The following COL6A3 variants were observed in gnomAD, a reference collection of about 807,000 sequenced individuals.
The protein encoded by COL6A3 is collagen alpha-3(VI) chain.
Under a neutral mutation model 274.1 loss-of-function variants are expected in COL6A3, and 137 were observed. The observed-to-expected ratio is 0.50, with a 90% CI of 0.44 to 0.58. The LOEUF (loss-of-function observed/expected upper bound fraction) is 0.58, where lower values mean the gene tolerates loss of function less well. Ranked by LOEUF, COL6A3 falls within the 20% of genes least tolerant of loss-of-function variation. The pLI, the probability that COL6A3 is intolerant of heterozygous loss-of-function variation, is 0.00. For synonymous variants in COL6A3, 1,650 were observed against 1,650.6 expected, an observed-to-expected ratio of 1.00 and a Z score of 0.01; for missense variants, 3,950 against 4,124.9, an observed-to-expected ratio of 0.96 and a Z score of 1.16.
intron 4 of COL6A3, among the ~76,000 whole-genome samples, chr2:237,382,030 G>A (rs903204578): frequency 5.9e-5 from 9 of 152,110 alleles, no homozygotes; most frequent in Admixed American, 1.3e-4. Context: ...AACATAAAAC[G>A]TATAAAAAGG....
chr2:237,366,888 T>G lies in COL6A3; in HGVS notation c.5299A>C (p.Thr1767Pro). Residue 1767 changes from threonine to proline, a missense_variant, in exon 11 of 44, where the codon ACC becomes CCC. Thr to Pro is a conservative substitution (Grantham distance 38). Around this residue, in one of 5 missense-constraint regions of COL6A3, gnomAD observed 632 missense variants for 623.4 expected, o/e 1.01. Coordinates refer to ENST00000295550, the MANE Select transcript of COL6A3 (RefSeq NM_004369.4). The stretch of plus-strand genomic sequence containing the variant: ...GCAAACACTTTGACCCCCCTCTGGG[T>G]GAGGGCCAGGCTCACATCCTGTGCA... Reference protein sequence around the residue: ...EDAQDVSLALTQRGVKVFAVG... With the variant: ...EDAQDVSLALPQRGVKVFAVG... 6.2e-7 allele frequency: 1 copy of G among 1,614,198 alleles called. No homozygotes were observed.
At chr2:237,381,609 C>A in intron 4 of COL6A3, 110 bp from the exon 5 acceptor site, 2 of 924,338 alleles carry the variant, frequency 2.2e-6, no homozygotes, top group Non-Finnish European at 3.4e-6. Flanking sequence ...TTACTGTGGC[C>A]AACGTGACCA....
intron 28 of COL6A3, among the ~76,000 whole-genome samples, chr2:237,349,249 G>A (rs938831687): frequency 6.6e-6 from 1 of 152,062 alleles, no homozygotes; most frequent in Non-Finnish European, 1.5e-5. Context: ...AGAATCAGAA[G>A]AACGTGTGTG....
Position 237,411,175 on chromosome 2 carries a change from C to T in COL6A3, c.-31+2778G>A, listed in dbSNP as rs190138863. 1.2e-3 allele frequency among the ~76,000 whole-genome samples: 183 copies of T among 152,286 alleles called. 1 individual carries two copies. Among genetic ancestry groups the T allele is most frequent in the Non-Finnish European group, 2.0e-3 (135 of 68,018 alleles). On this transcript the variant is annotated intron_variant, in intron 1 of 43. Transcript: ENST00000295550. ...CACAACATCCCTGTCAGATGGAAAC[C>T]GCCTGCAATCCTTCCCCCAAGAGAT...
chr2:237,385,246 G>A (rs550712200), intron 4 of COL6A3, among the ~76,000 whole-genome samples: 2 of 152,312 alleles, frequency 1.3e-5, no homozygotes, highest in South Asian at 4.1e-4. Context: ...TCATTAAACA[G>A]CACCATATCT....
At chr2:237,348,471 C>T in intron 29 of COL6A3, 87 bp from the exon 30 acceptor site, 2 of 1,363,594 alleles carry the variant, frequency 1.5e-6, no homozygotes, top group Admixed American at 1.7e-5. Context: ...GAAATGTCTG[C>T]TGAGTCATCA....
At chr2:237,333,285 G>A in intron 42 of COL6A3, 165 bp downstream of exon 42, 2 of 696,564 alleles carry the variant, frequency 2.9e-6, no homozygotes, top group Non-Finnish European at 5.1e-6. Context: ...TTTACACCTG[G>A]GATTATGCAG....
intron 3 of COL6A3, among the ~76,000 whole-genome samples, chr2:237,390,028 C>T (rs955194364): frequency 1.3e-5 from 2 of 152,126 alleles, no homozygotes; most frequent in Non-Finnish European, 2.9e-5. Flanking sequence ...AATACAGAGG[C>T]TCCACAAATT....
At position 237,334,775 on chromosome 2, in the gene COL6A3, G is replaced by T. The variant is rs1299012840; in HGVS notation, c.9080C>A (p.Ala3027Asp). Residue 3027 changes from alanine to aspartate, a missense_variant, in exon 41 of 44, where the codon GCC becomes GAC. Physicochemically the swap from Ala to Asp is moderately radical, Grantham distance 126. Transcript: ENST00000295550. Reference sequence around the variant, plus strand: ...CTTCAGAACCAGGGACTGATCATGGGCTGAGGTGACGGTGAGGTCATAAAA... The same window carrying T: ...CTTCAGAACCAGGGACTGATCATGGTCTGAGGTGACGGTGAGGTCATAAAA... ...PYFYDLTVTSAHDQSLVLKQN... is the reference protein window; with the variant it reads ...PYFYDLTVTSDHDQSLVLKQN... The T allele has an allele frequency of 6.2e-7, 1 of 1,614,198 alleles. No homozygotes were observed.
chr2:237,385,747 T>C (rs530238363), intron 4 of COL6A3, among the ~76,000 whole-genome samples: 3 of 152,340 alleles, frequency 2.0e-5, no homozygotes, highest in Admixed American at 6.5e-5. Flanking sequence ...GGCACCATGA[T>C]GGAATGAGCA....
intron 1 of COL6A3, among the ~76,000 whole-genome samples, chr2:237,412,479 C>T (rs1043804179): frequency 2.0e-5 from 3 of 152,244 alleles, no homozygotes; most frequent in African/African-American, 4.8e-5. Flanking sequence ...GCTCCCTGGC[C>T]TGGGCAAGGA....
In COL6A3 at chr2:237,396,786, G is replaced by A. The variant is rs1418824605; in HGVS notation, c.32C>T (p.Ala11Val). Residue 11 changes from alanine to valine, a missense_variant, in exon 2 of 44, where the codon GCC (alanine) becomes GTC (valine). Transcript: ENST00000295550. The part of the protein sequence containing the change: MRKHRHLPLV[A>V]VFCLFLSGFP... ...GCCTGAGAGAAAGAGGCAAAAGACGGCCACTAAGGGCAAGTGCCGATGTTT... is the reference window on the plus strand; with the variant it reads ...GCCTGAGAGAAAGAGGCAAAAGACGACCACTAAGGGCAAGTGCCGATGTTT... 1 of 1,614,176 alleles carries A rather than the reference G, an allele frequency of 6.2e-7. No individual in the cohort carries two copies. The highest frequency in any genetic ancestry group is 8.5e-7 in the Non-Finnish European group (1 of 1,180,038).
Position 237,360,156 on chromosome 2 carries a change from C to T in COL6A3, c.6214G>A (p.Glu2072Lys). The change falls in exon 17 of 44, where the codon GAG becomes AAG. Residue 2072 changes from glutamate (E) to lysine (K), a missense_variant. Glu to Lys is a moderately conservative substitution (Grantham distance 56, BLOSUM62 1). Around this residue, in one of 5 missense-constraint regions of COL6A3, gnomAD observed 92 missense variants for 143.4 expected, o/e 0.64. Transcript: ENST00000295550. ...GYPGDEGGPG[E>K]RGPPGVNGTQ... is the part of the protein sequence containing the mutation. ...CCGTTCACACCAGGCGGACCACGCT[C>T]ACCCTGTTGTGAGAGACAAAGGCAT... 1.9e-6 allele frequency: 3 copies of T among 1,614,200 alleles called. No individual in the cohort carries two copies. Among genetic ancestry groups the T allele is most frequent in the Non-Finnish European group, 2.5e-6 (3 of 1,180,036 alleles).
chr2:237,341,173 A>G lies in COL6A3; in HGVS notation c.7766-23T>C, dbSNP rs746855574. The stretch of plus-strand genomic sequence containing the variant: ...TGTCTAGAAAGAAGCATGGCAGCCT[A>G]TTTGTTCTGTGACACCCACAGCAGG... On this transcript the variant is annotated intron_variant, in intron 37 of 43. Transcript: ENST00000295550. 9 of 1,608,384 alleles carry G rather than the reference A, an allele frequency of 5.6e-6. No individual in the cohort carries two copies. In the African/African-American group the frequency reaches 6.7e-5, roughly 12 times the overall value.
Position 237,360,524 on chromosome 2 carries a change from G to A in COL6A3, c.6211-365C>T, listed in dbSNP as rs565818831. Among the ~76,000 whole-genome samples the A allele has an allele frequency of 7.2e-5, 11 of 152,272 alleles. No homozygotes were observed. In the South Asian group the frequency reaches 1.7e-3, roughly 23 times the overall value. ...ATGCTTGATTCCCAGTTCTCTAGCC[G>A]AGCCCTGCCGGCTGGGCCCTGGTGA... On this transcript the variant is annotated intron_variant, in intron 16 of 43. Transcript: ENST00000295550.
At position 237,367,021 on chromosome 2, in the gene COL6A3, G is replaced by A. The variant is rs2077570926; in HGVS notation, c.5166C>T (p.Gly1722=). ...AGTGGTTTACCCGCAGGTGCTCAAG[G>A]CCCACCTTAGTGTTGGCGTGTCTTC... ...KGGRHANTKV[G]LEHLRVNHFV... is the part of the protein sequence containing the mutation. The change falls in exon 11 of 44, where the codon GGC becomes GGT. Residue 1722 remains glycine (G), a synonymous_variant. Transcript: ENST00000295550. 6.2e-7 allele frequency: 1 copy of A among 1,614,100 alleles called. No homozygotes were observed. The highest frequency in any genetic ancestry group is 1.3e-5 in the African/African-American group (1 of 74,934).
At chr2:237,396,943 T>G (rs1338841424) in intron 1 of COL6A3, 96 bp from the exon 2 acceptor site, 8 of 824,432 alleles carry the variant, frequency 9.7e-6, no homozygotes, top group Non-Finnish European at 1.4e-5. Context: ...CTTTTTAGAC[T>G]TCCAAGAAGA....
In COL6A3 at chr2:237,369,073, G is replaced by A. The variant is rs912671116; in HGVS notation, c.4390C>T (p.Arg1464Ter). The change falls in exon 10 of 44, where the codon CGA (arginine) becomes TGA (stop). Residue 1464 changes from arginine (R) to a stop codon, truncating the protein, a stop_gained. Transcript: ENST00000295550. LOFTEE classifies it high-confidence loss of function. ...TTACTGGGGCCGATGTTGAGTCTTC[G>A]AACAATCCTGCTAACAAAATCTCGA... ...HIRDFVSRIV[R>*]RLNIGPSKVR... 4 of 1,614,128 alleles carry A rather than the reference G, an allele frequency of 2.5e-6. No homozygotes were observed. The highest frequency in any genetic ancestry group is 2.2e-5 in the East Asian group (1 of 44,880).
rs758582935 is a variant in COL6A3, at chr2:237,342,081, C to T, written c.7749G>A (p.Thr2583=). The T allele has an allele frequency of 5.8e-5, 93 of 1,614,034 alleles. 1 individual carries two copies. Among genetic ancestry groups the T allele is most frequent in the Admixed American group, 1.5e-4 (9 of 60,004 alleles). Residue 2583 remains threonine, a synonymous_variant, in exon 37 of 44, where the codon ACG becomes ACA. Coordinates refer to ENST00000295550, the MANE Select transcript of COL6A3 (RefSeq NM_004369.4). ...ACAGCTTACCCAAGCAAACATGACACGTGAGGACATTCTCCAGGAAGTCTG... is the reference window on the plus strand; with the variant it reads ...ACAGCTTACCCAAGCAAACATGACATGTGAGGACATTCTCCAGGAAGTCTG... The part of the protein sequence containing the change: ...DLTDFLENVL[T]CHVCLDICNI...
Sources: gnomAD v4.1 joint callset for allele counts (sites outside exome capture counted in the v4.1 genomes callset) on GRCh38, gnomAD v4.1.1 for gene constraint, gnomAD v4.1.1 regional missense constraint, MANE v1.5 for transcripts, NCBI Gene and HGNC (gene_info 2026-07-23, HGNC 2026-07-21) for gene names.